The following TF variants were observed in gnomAD, a reference collection of about 807,000 sequenced individuals.
The protein encoded by TF is transferrin, also known as serotransferrin.
A neutral mutation model predicts 82.4 loss-of-function variants in TF; 55 were observed. The ratio of observed to expected loss-of-function variants is 0.67; its 90% CI spans 0.54 to 0.84. The LOEUF is 0.84. Among genes scored for constraint, TF ranks in the 40% least tolerant of loss-of-function variants. The probability of loss-of-function intolerance (pLI) is 0.00; values close to 1 mark genes in which losing one functional copy is unlikely to be tolerated. For missense variants in TF, 737 were observed against 868.4 expected (o/e 0.85, Z 1.90); for synonymous variants, 332 against 332.6 (o/e 1.00, Z 0.02).
chr3:133,707,253 G>A, the TF span, among the ~76,000 whole-genome samples: 6 of 150,796 alleles, frequency 4.0e-5, no homozygotes, highest in African/African-American at 1.2e-4. Context: ...AATAATGAAT[G>A]CCATAGGTAC....
At chr3:133,771,385 T>C (rs927568038) in intron 14 of TF, among the ~76,000 whole-genome samples, 1 of 152,236 alleles carries the variant, frequency 6.6e-6, no homozygotes, top group Non-Finnish European at 1.5e-5. Context: ...GAAGGAATGA[T>C]AGAGTTAGAA....
At chr3:133,731,791 G>C in the TF span, among the ~76,000 whole-genome samples, 2 of 152,222 alleles carry the variant, frequency 1.3e-5, no homozygotes. Context: ...TAAGTAACTT[G>C]TCCGGTATGA....
the TF span, among the ~76,000 whole-genome samples, chr3:133,731,180 C>T: frequency 6.6e-6 from 1 of 152,234 alleles, no homozygotes; most frequent in East Asian, 1.9e-4. Flanking sequence ...GATCAGTTTA[C>T]TTTGGCCCTA....
chr3:133,721,853 T>C, the TF span, among the ~76,000 whole-genome samples: 1 of 152,302 alleles, frequency 6.6e-6, no homozygotes. Flanking sequence ...AATGACCTTC[T>C]TTGTCTCTTT....
At chr3:133,700,933 C>G in the TF span, 1 of 152,706 alleles carries the variant, frequency 6.5e-6, no homozygotes, top group Non-Finnish European at 1.5e-5. Context: ...TGGCTCTCCT[C>G]ATGAGACAGA....
At chr3:133,758,177 G>T (rs1436514075) in intron 8 of TF, among the ~76,000 whole-genome samples, 2 of 152,196 alleles carry the variant, frequency 1.3e-5, no homozygotes, top group African/African-American at 4.8e-5. Context: ...GACGTGGGTT[G>T]GTTCCAGTAT....
the TF span, among the ~76,000 whole-genome samples, chr3:133,736,631 C>CAAAAAAGAAAAAAAAAAA: frequency 1.2e-3 from 40 of 32,556 alleles, 1 homozygote; most frequent in East Asian, 3.7e-3. Flanking sequence ...AATGGAAAGC[C>CAAAAAAGAAAAAAAAAAA]AAAAAAAAAA....
At chr3:133,766,539 G>T in intron 12 of TF, 106 bp downstream of exon 12, 2 of 1,482,686 alleles carry the variant, frequency 1.3e-6, no homozygotes, top group Non-Finnish European at 1.9e-6. Context: ...TCTGGTTCTA[G>T]AGAAGTAGAA....
chr3:133,680,145 T>C, the TF span, among the ~76,000 whole-genome samples: 14 of 151,982 alleles, frequency 9.2e-5, no homozygotes, highest in Non-Finnish European at 1.8e-4. Context: ...TTTTTCTCCA[T>C]TTTTTTTAAA....
At chr3:133,733,137 C>G in the TF span, among the ~76,000 whole-genome samples, 1 of 152,202 alleles carries the variant, frequency 6.6e-6, no homozygotes, top group Non-Finnish European at 1.5e-5. Context: ...ATTCATCTAT[C>G]AGAATTTATT....
the TF span, among the ~76,000 whole-genome samples, chr3:133,704,043 G>C: frequency 2.6e-5 from 4 of 152,170 alleles, no homozygotes; most frequent in African/African-American, 9.7e-5. Context: ...CTTGTTCCCA[G>C]GTCAACAGGC....
rs1182767979 is a variant in TF at position 133,756,349 on chromosome 3, A to G, written c.691+12A>G. 1.9e-6 allele frequency: 3 copies of G among 1,613,946 alleles called. No homozygotes were observed. The highest frequency in any genetic ancestry group is 2.5e-6 in the Non-Finnish European group (3 of 1,179,918). ...CTCGACTATATTTGGTAAGAATGGG[A>G]CAAGAATCCACCAGGGCCACTCCAA... On this transcript the variant is annotated intron_variant, in intron 6 of 16. Coordinates refer to ENST00000402696, the MANE Select transcript of TF (RefSeq NM_001063.4).
chr3:133,761,243 A>G (rs778531563), intron 9 of TF: 4 of 212,570 alleles, frequency 1.9e-5, no homozygotes, highest in Middle Eastern at 7.3e-4. Flanking sequence ...GAGGAGGAAG[A>G]TGACTACATT....
chr3:133,745,166 C>A (rs1933466330), upstream of TF, among the ~76,000 whole-genome samples: 1 of 152,174 alleles, frequency 6.6e-6, no homozygotes, highest in Non-Finnish European at 1.5e-5. Context: ...TCTGACAACA[C>A]AAAAACAAGT....
Position 133,786,892 on chromosome 3 carries a change from G to A in TF, c.*8272G>A, listed in dbSNP as rs891893614. 5.7e-4 allele frequency: 87 copies of A among 152,308 alleles called. No individual in the cohort carries two copies. Among genetic ancestry groups the A allele is most frequent in the African/African-American group, 1.9e-3 (77 of 41,558 alleles). 9.4% of individuals were successfully genotyped at this position (152,308 alleles called of 1,614,324 possible). The stretch of plus-strand genomic sequence containing the variant: ...TTGCCTGATGTATGTTAAGTGTAGA[G>A]GTAGTAAAATATCACCTTGTAAATA... On this transcript the variant is annotated 3_prime_UTR_variant, in exon 17 of 17. Coordinates refer to ENST00000402696, the MANE Select transcript of TF (RefSeq NM_001063.4).
At position 133,766,360 on chromosome 3, in the gene TF, GGCA is replaced by G; in HGVS notation, c.1415_1417del (p.Ala472del). On this transcript the variant is annotated inframe_deletion, in exon 12 of 17. Coordinates refer to ENST00000402696, the MANE Select transcript of TF (RefSeq NM_001063.4). ...TGAAAGGCAAGAAGTCCTGCCATAC[GGCA>G]GTTGGCAGAACCGCTGGCTGGAACA... 1 of 1,614,212 alleles carries G rather than the reference GGCA, an allele frequency of 6.2e-7. No homozygotes were observed. Among genetic ancestry groups the G allele is most frequent in the Non-Finnish European group, 8.5e-7 (1 of 1,180,038 alleles).
intron 15 of TF, 55 bp downstream of exon 15, chr3:133,775,672 C>T (rs1291742142): frequency 5.7e-6 from 9 of 1,585,894 alleles, no homozygotes; most frequent in East Asian, 4.5e-5. Flanking sequence ...ATAGGCTATT[C>T]GGGGGGAGTT....
the TF span, among the ~76,000 whole-genome samples, chr3:133,685,400 G>A: frequency 6.6e-6 from 1 of 152,162 alleles, no homozygotes; most frequent in Non-Finnish European, 1.5e-5. Context: ...TAGGAAAAGA[G>A]GAAGTCAAAT....
chr3:133,724,402 G>T, the TF span, among the ~76,000 whole-genome samples: 1 of 152,136 alleles, frequency 6.6e-6, no homozygotes, highest in African/African-American at 2.4e-5. Context: ...TTCTCTGATG[G>T]CCAGTGATGA....
Sources: allele counts gnomAD v4.1 joint callset (sites outside exome capture counted in the v4.1 genomes callset), GRCh38; gene constraint gnomAD v4.1.1; transcripts MANE v1.5; gene names NCBI Gene and HGNC (gene_info 2026-07-23, HGNC 2026-07-21).